The following INPP4B variants were observed in gnomAD, a reference collection of about 807,000 sequenced individuals.
INPP4B encodes the protein inositol polyphosphate-4-phosphatase type II B, also known as inositol polyphosphate 4-phosphatase type II.
INPP4B carries 55 observed loss-of-function variants against 122.5 expected under a neutral mutation model. The ratio of observed to expected loss-of-function variants is 0.45; its 90% confidence interval spans 0.36 to 0.56. The LOEUF is 0.56. Ranked by LOEUF, INPP4B falls within the 20% of genes least tolerant of loss-of-function variation. The pLI, the probability that INPP4B is intolerant of heterozygous loss-of-function variation, is 0.00. For missense variants in INPP4B, 1,000 were observed against 1,097.7 expected (o/e 0.91, Z 1.26); for synonymous variants, 403 against 388.7 (o/e 1.04, Z -0.43).
chr4:142,545,704 T>TACAC (rs1829479841), intron 2 of INPP4B, among the ~76,000 whole-genome samples: 2 of 46,140 alleles, frequency 4.3e-5, no homozygotes, highest in Non-Finnish European at 7.6e-5. Context: ...TATGTGTATA[T>TACAC]ATATGTGTGT....
chr4:142,810,712 T>A (rs892623241), intron 1 of INPP4B, among the ~76,000 whole-genome samples: 1 of 152,258 alleles, frequency 6.6e-6, no homozygotes, highest in Non-Finnish European at 1.5e-5. Context: ...GTAAGCCGTA[T>A]GCTCATACTG....
chr4:142,460,814 T>G (rs1348631031), intron 3 of INPP4B, among the ~76,000 whole-genome samples: 1 of 150,882 alleles, frequency 6.6e-6, no homozygotes, highest in Non-Finnish European at 1.5e-5. Context: ...TCTTCCAAAA[T>G]AAGCATAAGT....
intron 8 of INPP4B, among the ~76,000 whole-genome samples, chr4:142,309,633 C>G (rs1275650265): frequency 1.3e-5 from 2 of 152,186 alleles, no homozygotes; most frequent in Non-Finnish European, 2.9e-5. Flanking sequence ...TTCATCCCCA[C>G]CATGCTATGC....
chr4:142,425,591 C>T (rs1271819829), intron 5 of INPP4B, among the ~76,000 whole-genome samples: 1 of 151,838 alleles, frequency 6.6e-6, no homozygotes, highest in Admixed American at 6.6e-5. Flanking sequence ...GGAAAGTCAC[C>T]CAATTCTTAG....
At chr4:142,128,342 T>TACAC (rs3836673) in intron 18 of INPP4B, among the ~76,000 whole-genome samples, 49 of 147,568 alleles carry the variant, frequency 3.3e-4, no homozygotes, top group African/African-American at 8.6e-4. Flanking sequence ...CGTACTTTTA[T>TACAC]ACACACACAC....
intron 7 of INPP4B, among the ~76,000 whole-genome samples, chr4:142,364,780 C>A (rs1786789468): frequency 6.6e-6 from 1 of 152,030 alleles, no homozygotes; most frequent in Non-Finnish European, 1.5e-5. Flanking sequence ...CCCAACAGAG[C>A]CCTCCAACAA....
In INPP4B at chr4:142,297,311, T is replaced by C. The variant is rs538297582; in HGVS notation, c.503+8147A>G. 3.9e-5 allele frequency among the ~76,000 whole-genome samples: 6 copies of C among 152,324 alleles called. No homozygotes were observed. The East Asian group carries it at 1.2e-3, about 29-fold the overall frequency. On this transcript the variant is annotated intron_variant, in intron 9 of 25. Coordinates refer to ENST00000262992, the MANE Select transcript of INPP4B (RefSeq NM_001101669.3). ...CCTTCCTTGGATAATAGAAATGTTA[T>C]ATCCAGATCCAGAGTTAAGTCAACC...
chr4:142,628,485 C>T (rs1377616849), intron 2 of INPP4B, among the ~76,000 whole-genome samples: 7 of 133,216 alleles, frequency 5.3e-5, no homozygotes, highest in Middle Eastern at 4.0e-3. Context: ...GTGGGTGCAG[C>T]GCACCAGCAT....
At chr4:142,302,870 A>AT (rs1762000989) in intron 9 of INPP4B, among the ~76,000 whole-genome samples, 1 of 152,160 alleles carries the variant, frequency 6.6e-6, no homozygotes, top group African/African-American at 2.4e-5. Context: ...TAATATAAAG[A>AT]TGTAGACAAT....
chr4:142,639,570 C>A (rs1018534445), intron 2 of INPP4B, among the ~76,000 whole-genome samples: 1 of 152,040 alleles, frequency 6.6e-6, no homozygotes, highest in African/African-American at 2.4e-5. Context: ...AATATTGACT[C>A]TGCCACTTTG....
chr4:142,824,127 C>G (rs1781135496), intron 1 of INPP4B, among the ~76,000 whole-genome samples: 1 of 151,978 alleles, frequency 6.6e-6, no homozygotes, highest in Non-Finnish European at 1.5e-5. Flanking sequence ...AAACCATGGC[C>G]CCCCCAGGTT....
Position 142,260,507 on chromosome 4 carries a change from G to C in INPP4B, c.673C>G (p.Pro225Ala). ...AGTTACATACCTGAATTCAAAAAAG[G>C]TAAGTTATCTTTTCCGCTCACACTT... ...PESVSGKDNL[P>A]FLNSVLKNPV... Residue 225 changes from proline (P) to alanine (A), a missense_variant, in exon 11 of 26, where the codon CCT becomes GCT. Transcript: ENST00000262992. The C allele has an allele frequency of 6.2e-7, 1 of 1,603,250 alleles. No individual in the cohort carries two copies. The highest frequency in any genetic ancestry group is 8.5e-7 in the Non-Finnish European group (1 of 1,171,456).
At chr4:142,164,274 C>T (rs563585855) in intron 16 of INPP4B, among the ~76,000 whole-genome samples, 68 of 151,914 alleles carry the variant, frequency 4.5e-4, no homozygotes, top group African/African-American at 1.6e-3. Context: ...CTCTTTTTCA[C>T]TAGAGATCTC....
intron 7 of INPP4B, 152 bp downstream of exon 7, chr4:142,402,786 A>G: frequency 3.4e-6 from 2 of 589,298 alleles, no homozygotes; most frequent in Non-Finnish European, 3.0e-6. Flanking sequence ...CGAGACAAAC[A>G]TATTTGGGAA....
intron 2 of INPP4B, among the ~76,000 whole-genome samples, chr4:142,652,673 TGAA>T (rs1331374946): frequency 2.0e-5 from 3 of 152,144 alleles, no homozygotes; most frequent in Non-Finnish European, 4.4e-5. Context: ...AAGGACCTCT[TGAA>T]GAAGAACTGC....
intron 7 of INPP4B, among the ~76,000 whole-genome samples, chr4:142,355,781 A>C (rs1278050137): frequency 6.6e-6 from 1 of 151,984 alleles, no homozygotes. Context: ...TTTGTGAAGC[A>C]ATTCAGCTTA....
intron 7 of INPP4B, among the ~76,000 whole-genome samples, chr4:142,366,215 T>C (rs1787407543): frequency 6.6e-6 from 1 of 152,090 alleles, no homozygotes; most frequent in Non-Finnish European, 1.5e-5. Flanking sequence ...ACATTGCTTC[T>C]AACTCCACCG....
intron 23 of INPP4B, among the ~76,000 whole-genome samples, chr4:142,086,598 G>A (rs1776912688): frequency 6.6e-6 from 1 of 152,140 alleles, no homozygotes; most frequent in South Asian, 2.1e-4. Context: ...CAAACAAACT[G>A]CCTATCTTGG....
In INPP4B at chr4:142,109,931, G is replaced by A. The variant is rs183269672; in HGVS notation, c.2277-1741C>T. Among the ~76,000 whole-genome samples the A allele has an allele frequency of 2.5e-4, 38 of 152,216 alleles. No individual in the cohort carries two copies. In the East Asian group the frequency reaches 6.0e-3, roughly 24 times the overall value. On this transcript the variant is annotated intron_variant, in intron 22 of 25. Coordinates refer to ENST00000262992, the MANE Select transcript of INPP4B (RefSeq NM_001101669.3). ...CAGTGTTCAGTATCTATACTGAGTT[G>A]AACTTGGAGAACAGGGATACAGACC...
Sources: gnomAD v4.1 joint callset for allele counts (sites outside exome capture counted in the v4.1 genomes callset) on GRCh38, gnomAD v4.1.1 for gene constraint, MANE v1.5 for transcripts, NCBI Gene and HGNC (gene_info 2026-07-23, HGNC 2026-07-21) for gene names.